INPP4B: variants seen among roughly 807,000 people sequenced by gnomAD.
INPP4B encodes inositol polyphosphate 4-phosphatase type II.
INPP4B carries 55 observed loss-of-function variants against 122.5 expected under a neutral mutation model. That is an observed-to-expected ratio of 0.45 (90% CI 0.36 to 0.56). The LOEUF is 0.56. Ranked by LOEUF, INPP4B falls within the 20% of genes least tolerant of loss-of-function variation. INPP4B has a pLI of 0.00. For missense variants in INPP4B, 1,000 were observed against 1,097.7 expected, an observed-to-expected ratio of 0.91 and a Z score of 1.26; for synonymous variants, 403 against 388.7, an observed-to-expected ratio of 1.04 and a Z score of -0.43.
At chr4:142,144,065 C>T (rs1198908600) in intron 18 of INPP4B, among the ~76,000 whole-genome samples, 3 of 151,968 alleles carry the variant, frequency 2.0e-5, no homozygotes, top group Non-Finnish European at 4.4e-5. Flanking sequence ...TCTACTTCTG[C>T]AGCAACTTCT....
intron 2 of INPP4B, among the ~76,000 whole-genome samples, chr4:142,532,192 A>G (rs1827691885): frequency 1.3e-5 from 2 of 152,202 alleles, no homozygotes; most frequent in South Asian, 4.1e-4. Flanking sequence ...TGTTCCTAAG[A>G]TAATGAAAAA....
At chr4:142,297,142 TAAGTA>T (rs1759108004) in intron 9 of INPP4B, among the ~76,000 whole-genome samples, 1 of 152,184 alleles carries the variant, frequency 6.6e-6, no homozygotes, top group Non-Finnish European at 1.5e-5. Context: ...TTAGTCTAAA[TAAGTA>T]TTTTTCTCCC....
chr4:142,208,818 C>A, intron 13 of INPP4B, 78 bp downstream of exon 13: 2 of 1,110,950 alleles, frequency 1.8e-6, no homozygotes, highest in Non-Finnish European at 2.5e-6. Context: ...TACATAAAAT[C>A]TATTTATTAT....
intron 7 of INPP4B, among the ~76,000 whole-genome samples, chr4:142,355,356 T>C (rs561144483): frequency 6.6e-6 from 1 of 152,092 alleles, no homozygotes; most frequent in African/African-American, 2.4e-5. Context: ...GAGATGCAGA[T>C]TTGCTCTTTT....
rs540764433 is a variant in INPP4B, at chr4:142,051,544, T to C, written c.2643-22630A>G. Among the ~76,000 whole-genome samples, 79 of 152,156 alleles carry C rather than the reference T, an allele frequency of 5.2e-4. 2 individuals carry two copies. The South Asian group carries it at 0.016, about 30-fold the overall frequency. ...ATGTACATCTATTTTTTATTCACTT[T>C]ACTGTAAATACATAAAAAAGTCTTA... On this transcript the variant is annotated intron_variant, in intron 25 of 25. Coordinates refer to ENST00000262992, the MANE Select transcript of INPP4B (RefSeq NM_001101669.3).
intron 3 of INPP4B, among the ~76,000 whole-genome samples, chr4:142,435,856 C>T (rs1484727331): frequency 6.6e-6 from 1 of 152,110 alleles, no homozygotes; most frequent in Non-Finnish European, 1.5e-5. Flanking sequence ...TTCTCAACAG[C>T]CACTTGGCTG....
intron 1 of INPP4B, among the ~76,000 whole-genome samples, chr4:142,786,384 A>AT (rs1561068039): frequency 6.6e-6 from 1 of 152,214 alleles, no homozygotes; most frequent in African/African-American, 2.4e-5. Context: ...ATATTAGATT[A>AT]TAACCCAAAG....
At chr4:142,705,913 C>T (rs1762418492) in intron 2 of INPP4B, among the ~76,000 whole-genome samples, 2 of 152,166 alleles carry the variant, frequency 1.3e-5, no homozygotes, top group Admixed American at 1.3e-4. Flanking sequence ...GGGTGATTGT[C>T]CTAAATGGAA....
At chr4:142,196,055 T>C (rs1838081310) in intron 14 of INPP4B, among the ~76,000 whole-genome samples, 1 of 152,162 alleles carries the variant, frequency 6.6e-6, no homozygotes, top group African/African-American at 2.4e-5. Flanking sequence ...AAATAGAAGG[T>C]AAAGGAGAAG....
At chr4:142,725,025 T>A (rs974921491) in intron 2 of INPP4B, among the ~76,000 whole-genome samples, 1 of 152,108 alleles carries the variant, frequency 6.6e-6, no homozygotes, top group African/African-American at 2.4e-5. Flanking sequence ...TAGACAGGAC[T>A]CAATGGATGT....
At chr4:142,306,012 A>AT (rs923809991) in intron 8 of INPP4B, 12 of 788,158 alleles carry the variant, frequency 1.5e-5, no homozygotes, top group African/African-American at 1.9e-5. Context: ...GAAATGTTAT[A>AT]TTTTTCCCCC....
At chr4:142,036,346 C>T (rs1414711570) in intron 25 of INPP4B, among the ~76,000 whole-genome samples, 1 of 152,082 alleles carries the variant, frequency 6.6e-6, no homozygotes, top group Admixed American at 6.6e-5. Context: ...ACCAATCAAT[C>T]AATCATCATA....
intron 7 of INPP4B, among the ~76,000 whole-genome samples, chr4:142,368,166 A>T (rs1788288406): frequency 6.6e-6 from 1 of 152,198 alleles, no homozygotes; most frequent in Non-Finnish European, 1.5e-5. Context: ...CTGACATTAA[A>T]ATAGCAGATT....
chr4:142,057,856 C>G (rs1388258060), intron 25 of INPP4B, among the ~76,000 whole-genome samples: 1 of 152,050 alleles, frequency 6.6e-6, no homozygotes, highest in Admixed American at 6.6e-5. Flanking sequence ...ATAGCTATAT[C>G]TACTATTCCT....
intron 2 of INPP4B, among the ~76,000 whole-genome samples, chr4:142,670,112 C>T (rs1428024917): frequency 6.6e-6 from 1 of 152,086 alleles, no homozygotes; most frequent in East Asian, 1.9e-4. Context: ...GCTACTTGCC[C>T]ATTAATCACT....
chr4:142,644,747 A>G (rs994163262), intron 2 of INPP4B, among the ~76,000 whole-genome samples: 1 of 144,178 alleles, frequency 6.9e-6, no homozygotes, highest in Non-Finnish European at 1.5e-5. Context: ...ACTTAAAAAA[A>G]AAAAAAAAAA....
chr4:142,578,532 A>G (rs1223999220), intron 2 of INPP4B, among the ~76,000 whole-genome samples: 1 of 151,890 alleles, frequency 6.6e-6, no homozygotes, highest in Non-Finnish European at 1.5e-5. Flanking sequence ...TTCTTCATGT[A>G]TCTTCACATG....
intron 9 of INPP4B, among the ~76,000 whole-genome samples, chr4:142,280,756 G>A (rs886253773): frequency 6.6e-6 from 1 of 151,822 alleles, no homozygotes; most frequent in African/African-American, 2.4e-5. Context: ...AAATCGCACA[G>A]CCATTTAGTC....
In INPP4B at chr4:142,809,260, A is replaced by T. The variant is rs77400003; in HGVS notation, c.-254+36949T>A. Among the ~76,000 whole-genome samples, 1,441 of 152,248 alleles carry T rather than the reference A, an allele frequency of 9.5e-3. 25 individuals are homozygous for T. The highest frequency in any genetic ancestry group is 0.033 in the African/African-American group (1,385 of 41,562). ...TTCTGTGGGTACATAGTAGGTATAT[A>T]TACTTCCTTCTTATTTAATTTTCAT... is the stretch of plus-strand genomic sequence containing the variant. On this transcript the variant is annotated intron_variant, in intron 1 of 25. Transcript: ENST00000262992.
Sources: gnomAD v4.1 joint callset for allele counts (sites outside exome capture counted in the v4.1 genomes callset) on GRCh38, gnomAD v4.1.1 for gene constraint, MANE v1.5 for transcripts, NCBI Gene and HGNC (gene_info 2026-07-23, HGNC 2026-07-21) for gene names.